The following NAALADL2 variants were observed in gnomAD, a reference collection of about 807,000 sequenced individuals.
NAALADL2 encodes the protein N-acetylated alpha-linked acidic dipeptidase like 2.
In NAALADL2, 76 loss-of-function variants were observed where a neutral mutation model predicts 87.2. The ratio of observed to expected loss-of-function variants is 0.87; its 90% CI spans 0.72 to 1.05. NAALADL2 has a LOEUF of 1.05. Ranked by LOEUF, NAALADL2 falls within the 50% of genes least tolerant of loss-of-function variation. The pLI is 0.00. For missense variants in NAALADL2, 1,089 were observed against 945.8 expected (o/e 1.15, Z -1.99); for synonymous variants, 354 against 331.0 (o/e 1.07, Z -0.75).
At chr3:175,171,287 G>A (rs1734764586) in intron 2 of NAALADL2, among the ~76,000 whole-genome samples, 1 of 152,030 alleles carries the variant, frequency 6.6e-6, no homozygotes, top group Non-Finnish European at 1.5e-5. Flanking sequence ...AGACTGCAGG[G>A]TAGAGAGGAA....
At chr3:175,120,860 G>C (rs898772162) in intron 2 of NAALADL2, among the ~76,000 whole-genome samples, 1 of 151,744 alleles carries the variant, frequency 6.6e-6, no homozygotes, top group Admixed American at 6.6e-5. Flanking sequence ...TAAAAAGTTA[G>C]TTTTCAAATA....
intron 3 of NAALADL2, among the ~76,000 whole-genome samples, chr3:174,823,426 A>AG (rs1313657416): frequency 6.6e-6 from 1 of 152,170 alleles, no homozygotes; most frequent in Non-Finnish European, 1.5e-5. Context: ...GTATTCCTAG[A>AG]GGGCAAATTT....
chr3:175,292,877 A>G (rs976256065), intron 4 of NAALADL2, among the ~76,000 whole-genome samples: 2 of 151,964 alleles, frequency 1.3e-5, no homozygotes, highest in African/African-American at 4.8e-5. Context: ...CTCTACTAAA[A>G]ATACAAAAAA....
At chr3:174,874,149 T>G (rs372759671) in intron 1 of NAALADL2, among the ~76,000 whole-genome samples, 1 of 152,112 alleles carries the variant, frequency 6.6e-6, no homozygotes, top group East Asian at 1.9e-4. Context: ...TGTTTTTACT[T>G]CATCTTGGTA....
chr3:174,673,677 G>A (rs1042886744), intron 2 of NAALADL2, among the ~76,000 whole-genome samples: 5 of 149,414 alleles, frequency 3.3e-5, no homozygotes, highest in Non-Finnish European at 6.0e-5. Context: ...GATGAAGAAG[G>A]CTTGGTTAAT....
chr3:175,658,133 T>C (rs1021537908), intron 11 of NAALADL2, among the ~76,000 whole-genome samples: 3 of 152,138 alleles, frequency 2.0e-5, no homozygotes, highest in Non-Finnish European at 2.9e-5. Context: ...CTCTCTCTAG[T>C]TGGATTGCTA....
At chr3:175,087,614 C>T (rs577052007) in intron 1 of NAALADL2, among the ~76,000 whole-genome samples, 23 of 151,378 alleles carry the variant, frequency 1.5e-4, no homozygotes, top group African/African-American at 5.6e-4. Context: ...TTACTCCCAA[C>T]CCCGTGCTCT....
intron 1 of NAALADL2, among the ~76,000 whole-genome samples, chr3:175,030,006 G>A (rs887160843): frequency 9.2e-5 from 14 of 152,066 alleles, no homozygotes; most frequent in African/African-American, 3.4e-4. Flanking sequence ...TAGTGTCAGC[G>A]TGTTCGTAAG....
intron 2 of NAALADL2, among the ~76,000 whole-genome samples, chr3:175,165,674 T>A (rs1250034562): frequency 6.6e-6 from 1 of 152,128 alleles, no homozygotes; most frequent in Non-Finnish European, 1.5e-5. Flanking sequence ...CTAAGTATAT[T>A]GTATAATCTT....
chr3:175,184,423 A>G (rs1737033787), intron 2 of NAALADL2, among the ~76,000 whole-genome samples: 1 of 152,100 alleles, frequency 6.6e-6, no homozygotes, highest in Non-Finnish European at 1.5e-5. Flanking sequence ...TGCAGCTTTT[A>G]GCAGTGTTGT....
At chr3:175,023,530 A>C (rs1312794400) in intron 1 of NAALADL2, among the ~76,000 whole-genome samples, 1 of 152,108 alleles carries the variant, frequency 6.6e-6, no homozygotes, top group East Asian at 1.9e-4. Flanking sequence ...TTTTATTCTC[A>C]AAAAGGGGAA....
chr3:174,454,984 C>G (rs1489357937), intron 1 of NAALADL2, among the ~76,000 whole-genome samples: 8 of 149,996 alleles, frequency 5.3e-5, no homozygotes, highest in Non-Finnish European at 1.2e-4. Flanking sequence ...CTAAAATAGG[C>G]CCCTAGCTAT....
intron 12 of NAALADL2, among the ~76,000 whole-genome samples, chr3:175,744,963 A>T (rs377501610): frequency 6.6e-6 from 1 of 152,166 alleles, no homozygotes; most frequent in East Asian, 1.9e-4. Flanking sequence ...GTGAAAAAAA[A>T]AAACTGACCT....
intron 9 of NAALADL2, among the ~76,000 whole-genome samples, chr3:175,479,545 C>T (rs1003451466): frequency 7.2e-5 from 11 of 151,848 alleles, no homozygotes; most frequent in East Asian, 1.9e-4. Context: ...TCTACAAAAA[C>T]GAAGTTTCCA....
chr3:175,175,514 C>T (rs868646946), intron 2 of NAALADL2, among the ~76,000 whole-genome samples: 76 of 151,720 alleles, frequency 5.0e-4, no homozygotes, highest in Non-Finnish European at 2.1e-4. Flanking sequence ...TCCTGTTGTC[C>T]GTGTAAATTT....
At chr3:175,543,304 A>C (rs1232695190) in intron 9 of NAALADL2, among the ~76,000 whole-genome samples, 1 of 152,164 alleles carries the variant, frequency 6.6e-6, no homozygotes, top group African/African-American at 2.4e-5. Flanking sequence ...TAAGTGTTTT[A>C]GACCTGCTGC....
rs183922901 is a variant in NAALADL2, at chr3:175,788,434, G to A, written c.2190-14571G>A. On this transcript the variant is annotated intron_variant, in intron 13 of 13. Coordinates refer to ENST00000454872, the MANE Select transcript of NAALADL2 (RefSeq NM_207015.3). ...AGTACTTTTAGTGTGCCTTTTCTATGTCTAGATGTGTTTATATATACAAAT... is the reference window on the plus strand; with the variant it reads ...AGTACTTTTAGTGTGCCTTTTCTATATCTAGATGTGTTTATATATACAAAT... 5.3e-3 allele frequency among the ~76,000 whole-genome samples: 800 copies of A among 152,142 alleles called. 2 individuals carry two copies. Among genetic ancestry groups the A allele is most frequent in the Non-Finnish European group, 7.4e-3 (506 of 67,976 alleles).
At chr3:175,033,924 T>C (rs1281645902) in intron 1 of NAALADL2, among the ~76,000 whole-genome samples, 1 of 152,180 alleles carries the variant, frequency 6.6e-6, no homozygotes, top group Admixed American at 6.5e-5. Context: ...CTTGAATATG[T>C]AATAGTATCT....
chr3:174,536,935 A>G (rs1217484435), intron 1 of NAALADL2, among the ~76,000 whole-genome samples: 1 of 152,216 alleles, frequency 6.6e-6, no homozygotes, highest in Non-Finnish European at 1.5e-5. Context: ...ACAATAATGC[A>G]AATAACAATA....
Sources: gnomAD v4.1 joint callset for allele counts (sites outside exome capture counted in the v4.1 genomes callset) on GRCh38, gnomAD v4.1.1 for gene constraint, MANE v1.5 for transcripts, NCBI Gene and HGNC (gene_info 2026-07-23, HGNC 2026-07-21) for gene names.